The following SLC39A14 variants were observed in gnomAD, a reference collection of about 807,000 sequenced individuals.
SLC39A14 encodes the protein solute carrier family 39 member 14.
Under a neutral mutation model 45.5 loss-of-function variants are expected in SLC39A14, and 19 were observed. That is an observed-to-expected ratio of 0.42 (90% confidence interval 0.29 to 0.61). The LOEUF (loss-of-function observed/expected upper bound fraction) is 0.61, where lower values mean the gene tolerates loss of function less well. Among genes scored for constraint, SLC39A14 ranks in the 20% least tolerant of loss-of-function variants. SLC39A14 has a pLI of 0.22. For synonymous variants in SLC39A14, 264 were observed against 251.3 expected (o/e 1.05, Z -0.48); for missense variants, 447 against 616.5 (o/e 0.73, Z 2.91).
At chr8:22,414,482 T>G (rs2280521) in intron 4 of SLC39A14, among the ~76,000 whole-genome samples, 69,703 of 152,106 alleles carry the variant, frequency 0.46, 19,059 homozygotes, top group African/African-American at 0.76. Context: ...AGCACCAAGA[T>G]AAATCAAAAG....
chr8:22,394,429 C>G (rs1268835544), intron 1 of SLC39A14, among the ~76,000 whole-genome samples: 1 of 151,682 alleles, frequency 6.6e-6, no homozygotes, highest in Non-Finnish European at 1.5e-5. Context: ...ACGCCATTCT[C>G]CTGCCTCAAC....
intron 4 of SLC39A14, 121 bp from the exon 5 acceptor site, chr8:22,414,659 G>C (rs1835768596): frequency 1.9e-6 from 2 of 1,044,816 alleles, no homozygotes; most frequent in Admixed American, 2.6e-5. Context: ...GTAGACGGCA[G>C]AGTTACTCCA....
intron 1 of SLC39A14, among the ~76,000 whole-genome samples, chr8:22,397,552 TGGGCGAAAGAGC>T (rs375771386): frequency 7.9e-5 from 12 of 151,400 alleles, no homozygotes; most frequent in South Asian, 2.1e-4. Context: ...CACTCCGGCC[TGGGCGAAAGAGC>T]GGGCGAAAGA....
At chr8:22,395,279 G>GT (rs565968466) in intron 1 of SLC39A14, among the ~76,000 whole-genome samples, 250 of 152,272 alleles carry the variant, frequency 1.6e-3, no homozygotes, top group African/African-American at 5.7e-3. Flanking sequence ...AAAATCTTGT[G>GT]TTTTATCTTA....
intron 8 of SLC39A14, among the ~76,000 whole-genome samples, chr8:22,427,871 T>C (rs2132400023): frequency 6.6e-6 from 1 of 152,210 alleles, no homozygotes; most frequent in East Asian, 1.9e-4. Flanking sequence ...ACTAAAAGGG[T>C]GGTAAAATCT....
intron 2 of SLC39A14, among the ~76,000 whole-genome samples, chr8:22,407,799 C>T (rs1174856634): frequency 1.3e-5 from 2 of 151,814 alleles, no homozygotes; most frequent in African/African-American, 2.4e-5. Flanking sequence ...TAGCCTCCAA[C>T]TCCTGGGCTC....
At chr8:22,406,820 C>T (rs1361636430) in intron 2 of SLC39A14, among the ~76,000 whole-genome samples, 3 of 152,294 alleles carry the variant, frequency 2.0e-5, no homozygotes, top group Middle Eastern at 3.4e-3. Flanking sequence ...CTGCGTGAGC[C>T]TCAGGACCCG....
At chr8:22,376,558 G>A (rs1034137903) in intron 1 of SLC39A14, among the ~76,000 whole-genome samples, 1 of 151,876 alleles carries the variant, frequency 6.6e-6, no homozygotes, top group African/African-American at 2.4e-5. Flanking sequence ...CTGAAAAAAG[G>A]TGGGTTTTCT....
chr8:22,379,249 A>G (rs940114607), intron 1 of SLC39A14, among the ~76,000 whole-genome samples: 1 of 152,188 alleles, frequency 6.6e-6, no homozygotes, highest in African/African-American at 2.4e-5. Context: ...TGACATCCGT[A>G]ACTGATTTTA....
intron 3 of SLC39A14, among the ~76,000 whole-genome samples, chr8:22,409,118 G>C (rs931550364): frequency 2.0e-5 from 3 of 152,068 alleles, no homozygotes; most frequent in Admixed American, 1.3e-4. Flanking sequence ...ACCATACCTG[G>C]CCTACTTTGG....
At position 22,421,695 on chromosome 8, in the gene SLC39A14, T is replaced by C. The variant is rs1174315122; in HGVS notation, c.*1997T>C. ...GATTTTGCTTTAACCTAACTCGCAT[T>C]GATGTATTAAATTTATAATTTTAGC... On this transcript the variant is annotated 3_prime_UTR_variant, in exon 9 of 9. Transcript: ENST00000381237. 2 of 984,576 alleles carry C rather than the reference T, an allele frequency of 2.0e-6. No individual in the cohort carries two copies. The highest frequency in any genetic ancestry group is 2.4e-6 in the Non-Finnish European group (2 of 828,868). 61.0% of individuals were successfully genotyped at this position (984,576 alleles called of 1,614,324 possible).
At chr8:22,371,128 G>A (rs1211159142) in intron 1 of SLC39A14, among the ~76,000 whole-genome samples, 3 of 152,162 alleles carry the variant, frequency 2.0e-5, no homozygotes, top group African/African-American at 4.8e-5. Context: ...AGGAAAAGAG[G>A]CCGGGAAAGC....
intron 1 of SLC39A14, among the ~76,000 whole-genome samples, chr8:22,382,330 A>T (rs1258383694): frequency 6.6e-6 from 1 of 152,236 alleles, no homozygotes; most frequent in African/African-American, 2.4e-5. Flanking sequence ...TATTGGTGAG[A>T]ATCCTATGAA....
At chr8:22,411,771 AG>A (rs1835583556) in intron 3 of SLC39A14, 1 of 413,864 alleles carries the variant, frequency 2.4e-6, no homozygotes. Context: ...CAGGGTTCCA[AG>A]GCCACCTTGA....
chr8:22,387,281 G>T (rs146769654), intron 1 of SLC39A14, among the ~76,000 whole-genome samples: 36 of 152,138 alleles, frequency 2.4e-4, no homozygotes, highest in Admixed American at 1.2e-3. Context: ...TTTTGGGTCC[G>T]CCCTGGTTTT....
chr8:22,432,458 TTC>T (rs545158574), intron 8 of SLC39A14, among the ~76,000 whole-genome samples: 7 of 150,856 alleles, frequency 4.6e-5, no homozygotes, highest in South Asian at 2.1e-4. Context: ...TCCTTCCTTT[TTC>T]TCTCTCTCTC....
intron 1 of SLC39A14, among the ~76,000 whole-genome samples, chr8:22,378,938 C>T (rs1044598332): frequency 2.0e-5 from 3 of 152,184 alleles, no homozygotes; most frequent in African/African-American, 7.2e-5. Flanking sequence ...AACTTGGTGG[C>T]TTAAAAACGA....
Position 22,420,738 on chromosome 8 carries a change from G to T in SLC39A14, c.*1040G>T. Reference sequence around the variant, plus strand: ...TGGAATCAGTGCAGGCAAAATTTAGGATTTGCCGCTTCCATAAATCAAAGC... The same window carrying T: ...TGGAATCAGTGCAGGCAAAATTTAGTATTTGCCGCTTCCATAAATCAAAGC... On this transcript the variant is annotated 3_prime_UTR_variant, in exon 9 of 9. Transcript: ENST00000381237. 1.0e-6 allele frequency: 1 copy of T among 985,366 alleles called. No individual in the cohort carries two copies. Among genetic ancestry groups the T allele is most frequent in the Non-Finnish European group, 1.2e-6 (1 of 829,918 alleles). 61.0% of individuals were successfully genotyped at this position (985,366 alleles called of 1,614,324 possible).
intron 4 of SLC39A14, among the ~76,000 whole-genome samples, chr8:22,414,379 A>G (rs1016935993): frequency 6.6e-6 from 1 of 152,226 alleles, no homozygotes; most frequent in African/African-American, 2.4e-5. Context: ...GTTTACAGGC[A>G]GGTCAGCCAG....
Sources: gnomAD v4.1 joint callset for allele counts (sites outside exome capture counted in the v4.1 genomes callset) on GRCh38, gnomAD v4.1.1 for gene constraint, MANE v1.5 for transcripts, NCBI Gene and HGNC (gene_info 2026-07-23, HGNC 2026-07-21) for gene names.